CETN3: variants seen among roughly 807,000 people sequenced by gnomAD.
CETN3 encodes the protein centrin-3.
CETN3 carries 17 observed loss-of-function variants against 20.1 expected under a neutral mutation model. The ratio of observed to expected loss-of-function variants is 0.85; its 90% CI spans 0.58 to 1.27. CETN3 has a LOEUF of 1.27. Ranked by LOEUF, CETN3 falls within the 50% of genes most tolerant of loss-of-function variation. The pLI, the probability that CETN3 is intolerant of heterozygous loss-of-function variation, is 0.00. For synonymous variants in CETN3, 52 were observed against 59.7 expected, an observed-to-expected ratio of 0.87 and a Z score of 0.59; for missense variants, 169 against 191.2, an observed-to-expected ratio of 0.88 and a Z score of 0.69.
intron 4 of CETN3, 98 bp from the exon 5 acceptor site, chr5:90,394,205 A>G: frequency 4.0e-6 from 3 of 755,722 alleles, no homozygotes; most frequent in Non-Finnish European, 4.3e-6. Context: ...AAAAAATTTT[A>G]CATTATGCAA....
chr5:90,403,009 T>C (rs1749338631), intron 3 of CETN3, among the ~76,000 whole-genome samples: 1 of 152,218 alleles, frequency 6.6e-6, no homozygotes, highest in African/African-American at 2.4e-5. Flanking sequence ...TCAAAAATAG[T>C]GTACAAACGT....
chr5:90,406,822 A>T (rs1159308591), intron 2 of CETN3, among the ~76,000 whole-genome samples: 3 of 146,342 alleles, frequency 2.0e-5, no homozygotes, highest in Non-Finnish European at 4.5e-5. Flanking sequence ...TTATAAAGGA[A>T]GATCAAATCT....
chr5:90,393,262 C>G lies in CETN3; in HGVS notation c.*802G>C, dbSNP rs1193683867. The G allele has an allele frequency of 6.6e-6, 1 of 152,168 alleles. No homozygotes were observed. Among genetic ancestry groups the G allele is most frequent in the Non-Finnish European group, 1.5e-5 (1 of 68,034 alleles). 9.4% of individuals were successfully genotyped at this position (152,168 alleles called of 1,614,324 possible). A position where few individuals can be genotyped will look rare whatever the true frequency, so the allele number is the denominator to read the frequency against. ...GGCTTACAGTTTTCTATTTTCATCA[C>G]TGTGACATGTAATTGAGTGATAATT... is the stretch of plus-strand genomic sequence containing the variant. On this transcript the variant is annotated 3_prime_UTR_variant, in exon 5 of 5. Transcript: ENST00000283122.
intron 2 of CETN3, among the ~76,000 whole-genome samples, chr5:90,406,708 A>C (rs1749452979): frequency 6.6e-6 from 1 of 151,744 alleles, no homozygotes; most frequent in South Asian, 2.1e-4. Context: ...ATCTAAATTC[A>C]GTGGTAGTGT....
At chr5:90,395,561 T>C (rs1749119381) in intron 4 of CETN3, among the ~76,000 whole-genome samples, 1 of 152,148 alleles carries the variant, frequency 6.6e-6, no homozygotes, top group Non-Finnish European at 1.5e-5. Context: ...CTTGAACTCC[T>C]GGGCTCAAGC....
chr5:90,396,611 ACAAAT>A (rs1259800444), intron 4 of CETN3: 3 of 1,351,634 alleles, frequency 2.2e-6, no homozygotes, highest in Non-Finnish European at 3.0e-6. Flanking sequence ...TGATTTGATT[ACAAAT>A]CATTTTAACA....
intron 4 of CETN3, among the ~76,000 whole-genome samples, chr5:90,398,820 T>C (rs1174336184): frequency 6.6e-6 from 1 of 152,222 alleles, no homozygotes; most frequent in Admixed American, 6.5e-5. Flanking sequence ...GAGACTTTTA[T>C]ATGCCGAAAG....
At position 90,405,764 on chromosome 5, in the gene CETN3, T is replaced by C; in HGVS notation, c.189A>G (p.Lys63=). 6.2e-7 allele frequency: 1 copy of C among 1,610,508 alleles called. No homozygotes were observed. Among genetic ancestry groups the C allele is most frequent in the Non-Finnish European group, 8.5e-7 (1 of 1,178,164 alleles). ...AMRALGFDVK[K]ADVLKILKDY... ...CTTTAAGAATCTTCAGTACATCAGCTTTTTTTACATCAAACCCCAAGGCTC... is the reference window on the plus strand; with the variant it reads ...CTTTAAGAATCTTCAGTACATCAGCCTTTTTTACATCAAACCCCAAGGCTC... Residue 63 remains lysine, a synonymous_variant, in exon 3 of 5, where the codon AAA becomes AAG. Coordinates refer to ENST00000283122, the MANE Select transcript of CETN3 (RefSeq NM_004365.4).
intron 3 of CETN3, among the ~76,000 whole-genome samples, chr5:90,403,827 C>T (rs1303128363): frequency 2.1e-5 from 3 of 141,832 alleles, no homozygotes; most frequent in African/African-American, 5.3e-5. Context: ...GCCGAGATCC[C>T]GCCACTGCAC....
intron 2 of CETN3, among the ~76,000 whole-genome samples, chr5:90,406,536 G>A (rs931382207): frequency 6.6e-6 from 1 of 151,658 alleles, no homozygotes; most frequent in Non-Finnish European, 1.5e-5. Context: ...GAGTTCAGGA[G>A]GAAGAAAGCA....
intron 4 of CETN3, 69 bp downstream of exon 4, chr5:90,399,284 ATTTGG>A (rs1749216302): frequency 1.4e-6 from 2 of 1,400,388 alleles, no homozygotes; most frequent in Admixed American, 1.8e-5. Flanking sequence ...CTTGCAAGTC[ATTTGG>A]TTTTAGAAAA....
At chr5:90,405,228 C>T (rs926119731) in intron 3 of CETN3, among the ~76,000 whole-genome samples, 2 of 152,144 alleles carry the variant, frequency 1.3e-5, no homozygotes, top group Non-Finnish European at 2.9e-5. Context: ...TGCATTTCAT[C>T]TACAGCCAAA....
intron 4 of CETN3, chr5:90,395,920 T>C: frequency 3.3e-6 from 3 of 921,506 alleles, no homozygotes; most frequent in Non-Finnish European, 3.9e-6. Flanking sequence ...AAAACCGGTT[T>C]TGATAACTAT....
At chr5:90,405,112 C>T (rs1158509649) in intron 3 of CETN3, among the ~76,000 whole-genome samples, 2 of 152,166 alleles carry the variant, frequency 1.3e-5, no homozygotes, top group East Asian at 1.9e-4. Context: ...TTCCAGTATG[C>T]CCACTGCCTC....
At chr5:90,406,802 G>A (rs1749455464) in intron 2 of CETN3, among the ~76,000 whole-genome samples, 1 of 123,684 alleles carries the variant, frequency 8.1e-6, no homozygotes, top group African/African-American at 3.1e-5. Flanking sequence ...GGTTACAAAT[G>A]GAACAGACAT....
intron 3 of CETN3, among the ~76,000 whole-genome samples, chr5:90,400,997 G>A (rs1397078950): frequency 6.6e-6 from 1 of 152,140 alleles, no homozygotes; most frequent in Non-Finnish European, 1.5e-5. Context: ...GAAAAAAAGT[G>A]TTAAGAAATT....
chr5:90,394,593 T>G (rs993706460), intron 4 of CETN3, among the ~76,000 whole-genome samples: 3 of 151,924 alleles, frequency 2.0e-5, no homozygotes, highest in Non-Finnish European at 4.4e-5. Context: ...TAAATTATTA[T>G]TTTTTGAACT....
intron 3 of CETN3, among the ~76,000 whole-genome samples, chr5:90,400,195 A>G (rs1749248332): frequency 1.3e-5 from 2 of 152,096 alleles, no homozygotes; most frequent in African/African-American, 4.8e-5. Context: ...AGGAAAGCCC[A>G]CCCAAAAAAA....
At chr5:90,401,655 C>G (rs1305293634) in intron 3 of CETN3, among the ~76,000 whole-genome samples, 1 of 152,074 alleles carries the variant, frequency 6.6e-6, no homozygotes, top group African/African-American at 2.4e-5. Context: ...AAATTTCTAT[C>G]CAAACATACC....
Sources: allele counts gnomAD v4.1 joint callset (sites outside exome capture counted in the v4.1 genomes callset), GRCh38; gene constraint gnomAD v4.1.1; transcripts MANE v1.5; gene names NCBI Gene and HGNC (gene_info 2026-07-23, HGNC 2026-07-21).